IL13RA2: variants seen among roughly 807,000 people sequenced by gnomAD.
IL13RA2 encodes interleukin 13 receptor subunit alpha 2.
In IL13RA2, 25 loss-of-function variants were observed where a neutral mutation model predicts 34.1. That is an observed-to-expected ratio of 0.73 (90% confidence interval 0.53 to 1.03). The LOEUF (loss-of-function observed/expected upper bound fraction) is 1.03. Among genes scored for constraint, IL13RA2 ranks in the 50% least tolerant of loss-of-function variants. IL13RA2 has a pLI of 0.00. For synonymous variants in IL13RA2, 106 were observed against 100.4 expected (o/e 1.06, Z -0.33); for missense variants, 297 against 280.9 (o/e 1.06, Z -0.41).
At chrX:115,006,200 G>C (rs2071684405) in intron 8 of IL13RA2, among the ~76,000 whole-genome samples, 1 of 112,187 alleles carries the variant, frequency 8.9e-6, no homozygotes, top group Admixed American at 9.5e-5. Flanking sequence ...AAGGCAGGAA[G>C]CTCCTTTGCT....
chrX:115,010,786 G>A lies in IL13RA2; in HGVS notation c.564C>T (p.Ile188=), dbSNP rs2071703089. 8.8e-7 allele frequency: 1 copy of A among 1,135,368 alleles called. No homozygotes were observed. The allele number at this position is 1,135,368 out of a possible 1,213,427, so 93.6% of individuals were successfully genotyped here. A position where few individuals can be genotyped will look rare whatever the true frequency, so the allele number is the denominator to read the frequency against. ...ATCCTATATTTTGTCCATCAGCCTTGATGTAATCAACACACTGTAATGCAT... is the reference window on the plus strand; with the variant it reads ...ATCCTATATTTTGTCCATCAGCCTTAATGTAATCAACACACTGTAATGCAT... ...LDHALQCVDY[I]KADGQNIGCR... Residue 188 remains isoleucine, a synonymous_variant, in exon 6 of 10, where the codon ATC becomes ATT. Coordinates refer to ENST00000243213, the MANE Select transcript of IL13RA2 (RefSeq NM_000640.3).
intron 5 of IL13RA2, among the ~76,000 whole-genome samples, chrX:115,011,084 G>T (rs1157526568): frequency 9.0e-6 from 1 of 111,613 alleles, no homozygotes; most frequent in Non-Finnish European, 1.9e-5. Flanking sequence ...CAAAGACAAG[G>T]ATTCTTACTT....
chrX:115,008,180 T>C (rs1556508109), intron 7 of IL13RA2, 104 bp from the exon 8 acceptor site: 1 of 557,991 alleles, frequency 1.8e-6, no homozygotes, highest in Non-Finnish European at 3.0e-6. Flanking sequence ...ATAAAATCTA[T>C]GCAATCTATG....
At chrX:115,011,016 C>G (rs1331274883) in intron 5 of IL13RA2, among the ~76,000 whole-genome samples, 188 bp from the exon 6 acceptor site, 1 of 111,425 alleles carries the variant, frequency 9.0e-6, no homozygotes, top group African/African-American at 3.3e-5. Context: ...GTAGGGAAAG[C>G]AGACATAGTC....
chrX:115,013,963 A>G (rs1422392243), intron 4 of IL13RA2, 74 bp from the exon 5 acceptor site: 8 of 686,690 alleles, frequency 1.2e-5, no homozygotes, highest in Admixed American at 9.8e-5. Context: ...TCTCAATTTT[A>G]CTTCATTTCC....
Position 115,009,686 on chromosome X carries a change from C to T in IL13RA2, c.707-20G>A. On this transcript the variant is annotated intron_variant, in intron 6 of 9. Coordinates refer to ENST00000243213, the MANE Select transcript of IL13RA2 (RefSeq NM_000640.3). ...GTTTAACTGAAAAGCAAAAGAGAAC[C>T]ATTTCAACACGGAGATTGTTGAAGT... 1.7e-6 allele frequency: 2 copies of T among 1,191,565 alleles called. No individual in the cohort carries two copies. The highest frequency in any genetic ancestry group is 2.3e-6 in the Non-Finnish European group (2 of 878,535).
chrX:115,012,187 C>T (rs1350728426), intron 5 of IL13RA2, among the ~76,000 whole-genome samples: 1 of 112,021 alleles, frequency 8.9e-6, no homozygotes, highest in Non-Finnish European at 1.9e-5. Context: ...CTAGAACTCA[C>T]CAATAGTAAT....
At position 115,010,639 on chromosome X, in the gene IL13RA2, A is replaced by G. The variant is rs1424048082; in HGVS notation, c.706+5T>C. ...AATTTGAAGTTGTTTGTTGGTTTAC[A>G]TCACCTATATTTTGAAGCTGAAAAG... is the stretch of plus-strand genomic sequence containing the variant. On this transcript the variant is annotated splice_donor_5th_base_variant and intron_variant, in intron 6 of 9. Coordinates refer to ENST00000243213, the MANE Select transcript of IL13RA2 (RefSeq NM_000640.3). The G allele has an allele frequency of 6.2e-6, 5 of 811,435 alleles. No individual in the cohort carries two copies. The highest frequency in any genetic ancestry group is 5.3e-6 in the Non-Finnish European group (3 of 565,353). 66.9% of individuals were successfully genotyped at this position (811,435 alleles called of 1,213,427 possible).
chrX:115,011,448 C>G (rs895416726), intron 5 of IL13RA2, among the ~76,000 whole-genome samples: 2 of 111,474 alleles, frequency 1.8e-5, no homozygotes, highest in Non-Finnish European at 3.8e-5. Flanking sequence ...TAACCTTATT[C>G]CAGTAATAAA....
At chrX:115,008,184 A>G in intron 7 of IL13RA2, 108 bp from the exon 8 acceptor site, 2 of 557,532 alleles carry the variant, frequency 3.6e-6, no homozygotes, top group Non-Finnish European at 6.0e-6. Context: ...AATCTATGCA[A>G]TCTATGCATC....
rs1272733656 is a variant in IL13RA2 at position 115,014,592 on chromosome X, G to C, written c.247-18C>G. 8.7e-7 allele frequency: 1 copy of C among 1,146,101 alleles called. No individual in the cohort carries two copies. 94.5% of individuals were successfully genotyped at this position (1,146,101 alleles called of 1,213,427 possible). On this transcript the variant is annotated intron_variant, in intron 3 of 9. Transcript: ENST00000243213. ...ATGATGGTCTGTTTGACAAAAAGAT[G>C]AGACAAAGTCAAGCTTAGAAACCTC...
chrX:115,015,530 G>A (rs781825305), intron 3 of IL13RA2, 140 bp downstream of exon 3: 3 of 505,109 alleles, frequency 5.9e-6, no homozygotes, highest in African/African-American at 2.4e-5. Flanking sequence ...GGATGCATAG[G>A]AGACAGAAGC....
At position 115,015,833 on chromosome X, in the gene IL13RA2, C is replaced by A. The variant is rs1556509845; in HGVS notation, c.95-12G>T. The A allele has an allele frequency of 9.1e-7, 1 of 1,094,676 alleles. No individual in the cohort carries two copies. Among genetic ancestry groups the A allele is most frequent in the Admixed American group, 2.3e-5 (1 of 42,594 alleles). 90.2% of individuals were successfully genotyped at this position (1,094,676 alleles called of 1,213,427 possible). A position where few individuals can be genotyped will look rare whatever the true frequency, so the allele number is the denominator to read the frequency against. ...CTGAGGAGGGTTAACTGAAATAAAT[C>A]AATAAAACACTTTTATTTTTTCTGT... On this transcript the variant is annotated splice_polypyrimidine_tract_variant and intron_variant, in intron 2 of 9. Transcript: ENST00000243213.
chrX:115,007,977 C>T lies in IL13RA2; in HGVS notation c.952G>A (p.Asp318Asn). 1 of 1,130,250 alleles carries T rather than the reference C, an allele frequency of 8.8e-7. No homozygotes were observed. Among genetic ancestry groups the T allele is most frequent in the Non-Finnish European group, 1.2e-6 (1 of 823,300 alleles). 93.1% of individuals were successfully genotyped at this position (1,130,250 alleles called of 1,213,427 possible). A position where few individuals can be genotyped will look rare whatever the true frequency, so the allele number is the denominator to read the frequency against. ...VRSKVNIYCSDDGIWSEWSDK... is the reference protein window; with the variant it reads ...VRSKVNIYCSNDGIWSEWSDK... ...CTCCACTCACTCCAAATTCCGTCAT[C>T]TGAGCAATAAATATTCACTTTGCTT... The change falls in exon 8 of 10, where the codon GAT becomes AAT. Residue 318 changes from aspartate (D) to asparagine (N), a missense_variant. By Grantham distance (23) the Asp-to-Asn change is conservative (BLOSUM62 1). Transcript: ENST00000243213.
Position 115,013,756 on chromosome X carries a change from TA to T in IL13RA2, c.521+12del. ...ATTTTTTAATATGGAATTCTAATTA[TA>T]AAAATACTTACCAGTAAAACAAGTT... On this transcript the variant is annotated intron_variant, in intron 5 of 9. Coordinates refer to ENST00000243213, the MANE Select transcript of IL13RA2 (RefSeq NM_000640.3). 2.1e-6 allele frequency: 2 copies of T among 964,265 alleles called. No individual in the cohort carries two copies. The highest frequency in any genetic ancestry group is 2.9e-6 in the Non-Finnish European group (2 of 683,191). The allele number at this position is 964,265 out of a possible 1,213,427, so 79.5% of individuals were successfully genotyped here.
intron 5 of IL13RA2, among the ~76,000 whole-genome samples, chrX:115,012,630 T>C (rs2071710193): frequency 9.0e-6 from 1 of 110,746 alleles, no homozygotes. Context: ...CCAGGTGTGG[T>C]GGCACACGCC....
intron 1 of IL13RA2, 26 bp from the exon 2 acceptor site, chrX:115,017,328 A>C (rs1333504798): frequency 3.4e-6 from 2 of 592,596 alleles, no homozygotes; most frequent in African/African-American, 2.3e-5. Context: ...ATAACATTTT[A>C]ACTTTATCTT....
In IL13RA2 at chrX:115,017,116, TA is replaced by T. The variant is rs1309429830; in HGVS notation, c.94+59del. Reference sequence around the variant, plus strand: ...GTCAAAAAGACAGTTAATTTTCCATTAAAATCCATTTAATTTTACTTTTCCT... The same window carrying T: ...GTCAAAAAGACAGTTAATTTTCCATTAAATCCATTTAATTTTACTTTTCCT... On this transcript the variant is annotated intron_variant, in intron 2 of 9. Transcript: ENST00000243213. 8.3e-6 allele frequency: 5 copies of T among 605,340 alleles called. No individual in the cohort carries two copies. In the African/African-American group the frequency reaches 1.1e-4, roughly 14 times the overall value. The allele number at this position is 605,340 out of a possible 1,213,427, so 49.9% of individuals were successfully genotyped here. A position where few individuals can be genotyped will look rare whatever the true frequency, so the allele number is the denominator to read the frequency against.
chrX:115,014,570 A>T lies in IL13RA2; in HGVS notation c.251T>A (p.Ile84Asn). ...RNIGSETWKT[I>N]ITKNLHYKDG... ...TTTGTAATGTAGATTCTTAGTAATG[A>T]TGGTCTGTTTGACAAAAAGATGAGA... The change falls in exon 4 of 10, where the codon ATC (isoleucine) becomes AAC (asparagine). Residue 84 changes from isoleucine (I) to asparagine (N), a missense_variant. Ile to Asn is a moderately radical substitution (Grantham distance 149). Coordinates refer to ENST00000243213, the MANE Select transcript of IL13RA2 (RefSeq NM_000640.3). The T allele has an allele frequency of 8.5e-7, 1 of 1,174,863 alleles. No individual in the cohort carries two copies. Among genetic ancestry groups the T allele is most frequent in the Non-Finnish European group, 1.2e-6 (1 of 868,526 alleles).
Sources: gnomAD v4.1 joint callset for allele counts (sites outside exome capture counted in the v4.1 genomes callset) on GRCh38, gnomAD v4.1.1 for gene constraint, MANE v1.5 for transcripts, NCBI Gene and HGNC (gene_info 2026-07-23, HGNC 2026-07-21) for gene names.